Variants in NOL10 observed in about 807,000 individuals in gnomAD.
NOL10 encodes the protein nucleolar protein 10, also known as H_NH0074G24.1.
NOL10 carries 58 observed loss-of-function variants against 103.5 expected under a neutral mutation model. The ratio of observed to expected loss-of-function variants is 0.56; its 90% CI spans 0.45 to 0.70. The LOEUF (loss-of-function observed/expected upper bound fraction) is 0.70, where lower values mean the gene tolerates loss of function less well. Ranked by LOEUF, NOL10 falls within the 30% of genes least tolerant of loss-of-function variation. The pLI, the probability that NOL10 is intolerant of heterozygous loss-of-function variation, is 0.00. For missense variants in NOL10, 763 were observed against 807.3 expected (o/e 0.95, Z 0.67); for synonymous variants, 287 against 282.5 (o/e 1.02, Z -0.16).
At chr2:10,646,677 G>C (rs1329916810) in intron 12 of NOL10, among the ~76,000 whole-genome samples, 2 of 152,212 alleles carry the variant, frequency 1.3e-5, no homozygotes, top group African/African-American at 4.8e-5. Context: ...AAGAGCATGA[G>C]CATCGCGCCA....
intron 20 of NOL10, among the ~76,000 whole-genome samples, chr2:10,576,405 T>C (rs13027090): frequency 0.55 from 84,128 of 152,070 alleles, 25,161 homozygotes; most frequent in Non-Finnish European, 0.7. Flanking sequence ...CAAAAATTTA[T>C]ACATTCATTT....
chr2:10,580,770 T>C (rs1054880644), intron 19 of NOL10, among the ~76,000 whole-genome samples: 6 of 152,116 alleles, frequency 3.9e-5, no homozygotes, highest in Non-Finnish European at 8.8e-5. Flanking sequence ...TAAAACTCAA[T>C]GCTCCTCAGA....
chr2:10,675,464 G>C (rs922047365), intron 4 of NOL10, among the ~76,000 whole-genome samples: 2 of 151,706 alleles, frequency 1.3e-5, no homozygotes, highest in Admixed American at 1.3e-4. Flanking sequence ...GTTTGGGGGG[G>C]GTGCATTCTC....
intron 13 of NOL10, among the ~76,000 whole-genome samples, chr2:10,628,451 T>TA (rs373053282): frequency 9.2e-4 from 140 of 152,354 alleles, no homozygotes; most frequent in African/African-American, 3.3e-3. Flanking sequence ...CTGCTGCTGC[T>TA]AGGCACCATC....
chr2:10,661,277 G>C (rs1224552388), intron 9 of NOL10, among the ~76,000 whole-genome samples: 1 of 151,786 alleles, frequency 6.6e-6, no homozygotes, highest in East Asian at 1.9e-4. Context: ...GTTTCTCTGT[G>C]TTGGTCAGGC....
intron 9 of NOL10, among the ~76,000 whole-genome samples, chr2:10,660,145 T>A (rs1680101923): frequency 6.6e-6 from 1 of 152,172 alleles, no homozygotes; most frequent in African/African-American, 2.4e-5. Context: ...GCTGTCGGCA[T>A]CATCAGGTCT....
intron 9 of NOL10, among the ~76,000 whole-genome samples, chr2:10,659,973 G>A (rs993057309): frequency 2.0e-5 from 3 of 152,272 alleles, no homozygotes; most frequent in Non-Finnish European, 4.4e-5. Context: ...CTATGGCCAC[G>A]ACTCTAGAAT....
Position 10,689,427 on chromosome 2 carries a change from C to T in NOL10, c.66+369G>A, listed in dbSNP as rs182007647. 1.6e-3 allele frequency among the ~76,000 whole-genome samples: 244 copies of T among 152,290 alleles called. 1 individual carries two copies. The highest frequency in any genetic ancestry group is 5.6e-3 in the African/African-American group (232 of 41,556). On this transcript the variant is annotated intron_variant, in intron 1 of 20. Coordinates refer to ENST00000381685, the MANE Select transcript of NOL10 (RefSeq NM_024894.4). ...TAGGGACTCCACAAACAGCTGATGG[C>T]CATATGGGGGAGAGATGTGTCAACG...
intron 13 of NOL10, among the ~76,000 whole-genome samples, chr2:10,629,406 TAAAGA>T (rs1226152522): frequency 6.6e-6 from 1 of 152,044 alleles, no homozygotes; most frequent in African/African-American, 2.4e-5. Flanking sequence ...TTTATAATAA[TAAAGA>T]AATGTTTAGT....
intron 10 of NOL10, 57 bp downstream of exon 10, chr2:10,659,115 A>G: frequency 8.6e-7 from 1 of 1,163,202 alleles, no homozygotes; most frequent in African/African-American, 1.5e-5. Flanking sequence ...CTCATGACAC[A>G]TACACACACC....
intron 16 of NOL10, among the ~76,000 whole-genome samples, chr2:10,601,810 C>G (rs779797244): frequency 4.6e-5 from 7 of 152,064 alleles, no homozygotes; most frequent in Non-Finnish European, 8.8e-5. Context: ...GATCCTGTCT[C>G]AAAAATACAC....
intron 19 of NOL10, among the ~76,000 whole-genome samples, chr2:10,582,592 G>C (rs1198868432): frequency 6.6e-6 from 1 of 152,138 alleles, no homozygotes; most frequent in Non-Finnish European, 1.5e-5. Flanking sequence ...AACAAGCATG[G>C]CCTTCCCAAT....
At chr2:10,680,630 T>A (rs1178308145) in intron 3 of NOL10, among the ~76,000 whole-genome samples, 2 of 152,198 alleles carry the variant, frequency 1.3e-5, no homozygotes, top group African/African-American at 4.8e-5. Context: ...TTTTTACCAG[T>A]TTCTGAACAT....
At chr2:10,648,379 T>C (rs1291820463) in intron 12 of NOL10, among the ~76,000 whole-genome samples, 1 of 151,904 alleles carries the variant, frequency 6.6e-6, no homozygotes, top group African/African-American at 2.4e-5. Flanking sequence ...AAAAGCGGAG[T>C]GCAATCATCC....
At chr2:10,576,655 G>T (rs552921568) in intron 20 of NOL10, among the ~76,000 whole-genome samples, 4 of 152,186 alleles carry the variant, frequency 2.6e-5, no homozygotes, top group South Asian at 4.2e-4. Flanking sequence ...GAAATGCCCG[G>T]AACAGGCAAA....
At chr2:10,655,204 C>A (rs1017146) in intron 11 of NOL10, among the ~76,000 whole-genome samples, 5 of 146,646 alleles carry the variant, frequency 3.4e-5, no homozygotes, top group African/African-American at 7.6e-5. Context: ...TGAGATTCTG[C>A]CCAAAAAAAA....
In NOL10 at chr2:10,619,027, A is replaced by C. The variant is rs1676984347; in HGVS notation, c.1027-11716T>G. On this transcript the variant is annotated intron_variant, in intron 13 of 20. Transcript: ENST00000381685. ...ACCTAACGGAGGTTTATAAACTTTGAACTTAAGCAGGATTCAGAACATGCA... is the reference window on the plus strand; with the variant it reads ...ACCTAACGGAGGTTTATAAACTTTGCACTTAAGCAGGATTCAGAACATGCA... 3.3e-5 allele frequency among the ~76,000 whole-genome samples: 5 copies of C among 152,380 alleles called. No individual in the cohort carries two copies. In the South Asian group the frequency reaches 1.0e-3, roughly 32 times the overall value.
intron 13 of NOL10, among the ~76,000 whole-genome samples, chr2:10,638,679 G>A (rs1387543728): frequency 6.6e-6 from 1 of 150,560 alleles, no homozygotes; most frequent in Non-Finnish European, 1.5e-5. Flanking sequence ...CTTTAGTAGA[G>A]ACGGGATTTC....
chr2:10,678,885 C>A (rs893707396), intron 3 of NOL10, among the ~76,000 whole-genome samples: 36 of 152,204 alleles, frequency 2.4e-4, no homozygotes, highest in African/African-American at 8.4e-4. Context: ...AATATGGCAG[C>A]CACTAGTAAT....
Sources: gnomAD v4.1 joint callset for allele counts (sites outside exome capture counted in the v4.1 genomes callset) on GRCh38, gnomAD v4.1.1 for gene constraint, MANE v1.5 for transcripts, NCBI Gene and HGNC (gene_info 2026-07-23, HGNC 2026-07-21) for gene names.